Variants in DUSP15 observed in about 807,000 individuals in gnomAD.
DUSP15 encodes dual specificity protein phosphatase 15.
In DUSP15, 23 loss-of-function variants were observed where a neutral mutation model predicts 26.3. The observed-to-expected ratio is 0.87, with a 90% CI of 0.63 to 1.24. The LOEUF is 1.24. Among genes scored for constraint, DUSP15 ranks in the 50% most tolerant of loss-of-function variants. The pLI is 0.00. For missense variants in DUSP15, 364 were observed against 320.6 expected (o/e 1.14, Z -1.03); for synonymous variants, 143 against 135.5 (o/e 1.06, Z -0.39).
downstream of DUSP15, among the ~76,000 whole-genome samples, chr20:31,846,066 A>G (rs1375783338): frequency 1.3e-5 from 2 of 151,868 alleles, no homozygotes; most frequent in Non-Finnish European, 2.9e-5. Context: ...ACACACAGAC[A>G]TACACGTACA....
upstream of DUSP15, chr20:31,870,550 C>A: frequency 4.8e-6 from 7 of 1,448,580 alleles, no homozygotes; most frequent in South Asian, 7.1e-5. The surrounding 1 kb of genome is among the most constrained non-coding windows in gnomAD (Gnocchi z 6.6). Flanking sequence ...GCCGCTGCCA[C>A]CGCCGCCGCC....
chr20:31,846,398 T>G (rs2062378020), downstream of DUSP15, among the ~76,000 whole-genome samples: 1 of 143,672 alleles, frequency 7.0e-6, no homozygotes, highest in South Asian at 2.2e-4. Flanking sequence ...AGAAAGGAGA[T>G]ACTGAGAGAC....
rs1277159340 is a variant in DUSP15 at position 31,861,577 on chromosome 20, G to A, written c.534C>T (p.Gly178=). 3 of 1,498,010 alleles carry A rather than the reference G, an allele frequency of 2.0e-6. No homozygotes were observed. The highest frequency in any genetic ancestry group is 2.7e-6 in the Non-Finnish European group (3 of 1,131,926). 92.8% of individuals were successfully genotyped at this position (1,498,010 alleles called of 1,614,324 possible). A position where few individuals can be genotyped will look rare whatever the true frequency, so the allele number is the denominator to read the frequency against. The change falls in exon 7 of 7, where the codon GGC becomes GGT. Residue 178 remains glycine (G), a synonymous_variant. Coordinates refer to ENST00000339738, the MANE Select transcript of DUSP15 (RefSeq NM_080611.5). ...CGGCGGAGGAGGCCGAGGTCGCGGA[G>A]CCCTGCCGGCAGCGCTTGCACAGCG... ...LLPLCKRCRQ[G]SATSASSAGP... is the part of the protein sequence containing the mutation.
chr20:31,852,480 T>C (rs1051133333), intron 6 of DUSP15, among the ~76,000 whole-genome samples: 19 of 152,218 alleles, frequency 1.2e-4, no homozygotes, highest in African/African-American at 4.6e-4. Flanking sequence ...GGATGGTACC[T>C]GGGCCACAGC....
chr20:31,851,351 A>AG (rs1194045494), intron 6 of DUSP15, among the ~76,000 whole-genome samples: 1 of 151,846 alleles, frequency 6.6e-6, no homozygotes, highest in Non-Finnish European at 1.5e-5. Flanking sequence ...TGGAGATAAT[A>AG]GGGGTGATAC....
chr20:31,849,798 G>T, exon 8 of DUSP15: 1 of 1,541,680 alleles, frequency 6.5e-7, no homozygotes, highest in South Asian at 1.2e-5. Context: ...GGACTCAGAC[G>T]ACAGCGCTGG....
At chr20:31,869,439 A>G in intron 2 of DUSP15, 125 bp downstream of exon 2, 1 of 1,333,572 alleles carries the variant, frequency 7.5e-7, no homozygotes, top group East Asian at 2.5e-5. Context: ...TCCCCCTCCC[A>G]GCCTGGGGCC....
downstream of DUSP15, among the ~76,000 whole-genome samples, chr20:31,857,911 G>A (rs2062587555): frequency 6.6e-6 from 1 of 152,212 alleles, no homozygotes. Context: ...GTGCATTGGT[G>A]GAGTGGGAGA....
intron 7 of DUSP15, chr20:31,850,603 A>T: frequency 2.5e-6 from 4 of 1,609,302 alleles, no homozygotes; most frequent in Non-Finnish European, 3.4e-6. Flanking sequence ...GGGGATTTCG[A>T]TTCCTTACCA....
chr20:31,870,664 C>A, upstream of DUSP15: 1 of 1,239,802 alleles, frequency 8.1e-7, no homozygotes, highest in South Asian at 2.6e-5. The surrounding 1 kb of genome is among the most constrained non-coding windows in gnomAD (Gnocchi z 6.6). Flanking sequence ...CGCGGGACAA[C>A]GGCAGTTTGT....
rs561443325 is a variant in DUSP15, at chr20:31,861,270, G to A, written c.*133C>T. The A allele has an allele frequency of 2.9e-6, 4 of 1,363,304 alleles. No individual in the cohort carries two copies. The highest frequency in any genetic ancestry group is 3.4e-5 in the South Asian group (2 of 58,082). 84.5% of individuals were successfully genotyped at this position (1,363,304 alleles called of 1,614,324 possible). A position where few individuals can be genotyped will look rare whatever the true frequency, so the allele number is the denominator to read the frequency against. On this transcript the variant is annotated 3_prime_UTR_variant, in exon 7 of 7. Coordinates refer to ENST00000339738, the MANE Select transcript of DUSP15 (RefSeq NM_080611.5). ...GACTGCAGACGCGGACGAGCAGGGC[G>A]GGCGCGGGAGGCAGGGTTCAGGCCG... is the stretch of plus-strand genomic sequence containing the variant.
At position 31,864,937 on chromosome 20, in the gene DUSP15, A is replaced by G. The variant is rs760955797; in HGVS notation, c.188+16T>C. The G allele has an allele frequency of 6.2e-7, 1 of 1,612,512 alleles. No homozygotes were observed. Among genetic ancestry groups the G allele is most frequent in the Non-Finnish European group, 8.5e-7 (1 of 1,179,470 alleles). On this transcript the variant is annotated intron_variant, in intron 4 of 6. Transcript: ENST00000339738. ...CAGCTGTCTGTCCATCTATGGGTCC[A>G]TCCAGGGGAACTTACATGGGTACCT...
At chr20:31,856,252 T>C (rs141675563), downstream of DUSP15, among the ~76,000 whole-genome samples, 59 of 151,720 alleles carry the variant, frequency 3.9e-4, no homozygotes, top group African/African-American at 1.4e-3. Flanking sequence ...GGAGCTACAG[T>C]TGGGGAGGGG....
At chr20:31,848,461 G>A in exon 10 of DUSP15, 1 of 1,612,342 alleles carries the variant, frequency 6.2e-7, no homozygotes, top group Non-Finnish European at 8.5e-7. Context: ...TGCATTGAAG[G>A]TGAGTGATGC....
chr20:31,864,370 G>A, intron 4 of DUSP15: 1 of 1,058,178 alleles, frequency 9.5e-7, no homozygotes. Flanking sequence ...AGCAGGCTGG[G>A]AGCAAGATTC....
At chr20:31,850,524 G>A in intron 7 of DUSP15, 2 of 1,358,928 alleles carry the variant, frequency 1.5e-6, no homozygotes. Context: ...GGGTGCTTTG[G>A]GTGGGAGAGA....
chr20:31,846,127 GACACAGACACAC>G (rs956306338), downstream of DUSP15, among the ~76,000 whole-genome samples: 50 of 141,942 alleles, frequency 3.5e-4, no homozygotes, highest in East Asian at 5.8e-3. Flanking sequence ...GAGACACACA[GACACAGACACAC>G]ACACAGACAC....
At chr20:31,860,146 C>T (rs2062620595), downstream of DUSP15, among the ~76,000 whole-genome samples, 1 of 152,202 alleles carries the variant, frequency 6.6e-6, no homozygotes, top group South Asian at 2.1e-4. Context: ...GGGCCGAGCA[C>T]AATGGCTGGC....
At chr20:31,846,111 CACACAGAGACACACAG>C (rs1191351112), downstream of DUSP15, among the ~76,000 whole-genome samples, 1,960 of 79,260 alleles carry the variant, frequency 0.025, 55 homozygotes, top group African/African-American at 0.16. Flanking sequence ...CACGTACAGA[CACACAGAGACACACAG>C]ACACAGACAC....
Sources: allele counts gnomAD v4.1 joint callset (sites outside exome capture counted in the v4.1 genomes callset), GRCh38; gene constraint gnomAD v4.1.1; non-coding constraint Gnocchi (gnomAD v3.1); transcripts MANE v1.5; gene names NCBI Gene and HGNC (gene_info 2026-07-23, HGNC 2026-07-21).